Variants in GALNTL6 observed in about 807,000 individuals in gnomAD.
The protein encoded by GALNTL6 is polypeptide N-acetylgalactosaminyltransferase-like 6.
GALNTL6 carries 46 observed loss-of-function variants against 73.7 expected under a neutral mutation model. The observed-to-expected ratio is 0.62, with a 90% CI of 0.49 to 0.80. The LOEUF is 0.80. GALNTL6 is among the 30% of genes least tolerant of loss of function. The pLI is 0.00. For missense variants in GALNTL6, 604 were observed against 755.0 expected (o/e 0.80, Z 2.34); for synonymous variants, 259 against 263.7 (o/e 0.98, Z 0.17).
intron 2 of GALNTL6, among the ~76,000 whole-genome samples, chr4:171,896,595 G>A (rs990912620): frequency 1.4e-4 from 22 of 152,170 alleles, no homozygotes; most frequent in African/African-American, 3.9e-4. Flanking sequence ...CAGACAGCAC[G>A]TTCTCACTGT....
chr4:172,247,247 G>A (rs1260880203), intron 3 of GALNTL6, among the ~76,000 whole-genome samples: 2 of 152,124 alleles, frequency 1.3e-5, no homozygotes, highest in Non-Finnish European at 2.9e-5. Flanking sequence ...CCCAAATTCA[G>A]CATCTCTCTA....
At chr4:172,679,294 G>A (rs540460438) in intron 5 of GALNTL6, among the ~76,000 whole-genome samples, 6 of 151,856 alleles carry the variant, frequency 4.0e-5, no homozygotes, top group Admixed American at 1.3e-4. Flanking sequence ...GCCTGTAATC[G>A]CAGCCACTCG....
At chr4:172,745,446 T>TATATATATATATATATATATACACACAC (rs34523518) in intron 5 of GALNTL6, among the ~76,000 whole-genome samples, 1 of 145,244 alleles carries the variant, frequency 6.9e-6, no homozygotes, top group Non-Finnish European at 1.5e-5. Context: ...TATATATATG[T>TATATATATATATATATATATACACACAC]ACACATAACT....
At chr4:172,315,358 G>C (rs970325917) in intron 4 of GALNTL6, among the ~76,000 whole-genome samples, 2 of 152,030 alleles carry the variant, frequency 1.3e-5, no homozygotes, top group East Asian at 3.9e-4. Context: ...CTGCCTCCCG[G>C]GTTCAAGCAA....
intron 5 of GALNTL6, among the ~76,000 whole-genome samples, chr4:172,735,668 G>C (rs1480789848): frequency 6.6e-6 from 1 of 152,090 alleles, no homozygotes; most frequent in East Asian, 1.9e-4. Context: ...GGCTATGTCT[G>C]CTTCCAAATC....
rs397996287 is a variant in GALNTL6 at position 172,905,812 on chromosome 4, CAAAAAAAAAAAAA to C, written c.1041+22917_1041+22929del. ...GAAAGACTTTCTCCTAGAGATCACT[CAAAAAAAAAAAAA>C]AAAAAAAAAAAGGAGAACAAGAAAC... is the stretch of plus-strand genomic sequence containing the variant. On this transcript the variant is annotated intron_variant, in intron 8 of 12. Transcript: ENST00000506823. 5.6e-4 allele frequency among the ~76,000 whole-genome samples: 39 copies of C among 69,690 alleles called. 1 individual carries two copies. The highest frequency in any genetic ancestry group is 1.9e-3 in the African/African-American group (36 of 18,604). 45.7% of individuals were successfully genotyped at this position (69,690 alleles called of 152,430 possible). A position where few individuals can be genotyped will look rare whatever the true frequency, so the allele number is the denominator to read the frequency against.
At chr4:171,894,507 A>T (rs1374185850) in intron 2 of GALNTL6, among the ~76,000 whole-genome samples, 1 of 152,216 alleles carries the variant, frequency 6.6e-6, no homozygotes, top group Non-Finnish European at 1.5e-5. Context: ...AAAGTGAAAA[A>T]GTAACTGTAG....
intron 8 of GALNTL6, among the ~76,000 whole-genome samples, chr4:172,929,298 G>A (rs1394925208): frequency 3.9e-5 from 6 of 152,006 alleles, no homozygotes; most frequent in African/African-American, 1.2e-4. Flanking sequence ...AACCATTCTC[G>A]CTTGGGTGAC....
intron 5 of GALNTL6, among the ~76,000 whole-genome samples, chr4:172,743,083 T>C (rs1736894749): frequency 6.6e-6 from 1 of 152,060 alleles, no homozygotes; most frequent in African/African-American, 2.4e-5. Context: ...AAAGAAGTAG[T>C]TCTCCAAAGG....
intron 7 of GALNTL6, among the ~76,000 whole-genome samples, chr4:172,851,023 A>G (rs2111109147): frequency 6.6e-6 from 1 of 152,212 alleles, no homozygotes; most frequent in South Asian, 2.1e-4. Context: ...TCACATAGGC[A>G]TGACTCATTA....
intron 2 of GALNTL6, among the ~76,000 whole-genome samples, chr4:172,184,932 G>C (rs542058101): frequency 2.6e-5 from 4 of 152,268 alleles, no homozygotes; most frequent in African/African-American, 7.2e-5. Flanking sequence ...CACCCTTGTG[G>C]CCTAATCACC....
chr4:172,651,426 A>AT (rs1375302230), intron 5 of GALNTL6, among the ~76,000 whole-genome samples: 3 of 152,168 alleles, frequency 2.0e-5, no homozygotes, highest in African/African-American at 7.2e-5. Flanking sequence ...GAAGGCAGGG[A>AT]TTTTGCTCTG....
chr4:172,322,627 A>G (rs1391667603), intron 4 of GALNTL6, among the ~76,000 whole-genome samples: 1 of 152,118 alleles, frequency 6.6e-6, no homozygotes, highest in East Asian at 1.9e-4. Context: ...ATGGTAGAGC[A>G]GGAGAGAGAG....
intron 10 of GALNTL6, among the ~76,000 whole-genome samples, chr4:173,001,162 A>G (rs1752027918): frequency 6.6e-6 from 1 of 152,182 alleles, no homozygotes; most frequent in African/African-American, 2.4e-5. Flanking sequence ...AGAGAAGCAT[A>G]TTATGTACTC....
At chr4:172,451,553 G>A (rs1274968719) in intron 5 of GALNTL6, among the ~76,000 whole-genome samples, 3 of 152,124 alleles carry the variant, frequency 2.0e-5, no homozygotes, top group African/African-American at 4.8e-5. Context: ...GAAGAAAAGA[G>A]GTTGGGATCT....
At chr4:172,263,462 A>G (rs549547078) in intron 3 of GALNTL6, among the ~76,000 whole-genome samples, 7 of 151,316 alleles carry the variant, frequency 4.6e-5, no homozygotes, top group Non-Finnish European at 1.0e-4. Context: ...TTTCATTTCC[A>G]GAGGTTGTGA....
chr4:172,452,733 T>C (rs184906357), intron 5 of GALNTL6, among the ~76,000 whole-genome samples: 3 of 152,340 alleles, frequency 2.0e-5, no homozygotes, highest in African/African-American at 7.2e-5. Flanking sequence ...ACAAACTAAC[T>C]ACTGACTTGT....
chr4:172,322,317 A>G (rs572423740), intron 4 of GALNTL6, among the ~76,000 whole-genome samples: 3 of 152,232 alleles, frequency 2.0e-5, no homozygotes, highest in East Asian at 1.9e-4. Flanking sequence ...CTTTCACTCT[A>G]CACTCTACCT....
At chr4:171,904,553 A>G (rs1318781125) in intron 2 of GALNTL6, among the ~76,000 whole-genome samples, 2 of 152,216 alleles carry the variant, frequency 1.3e-5, no homozygotes, top group African/African-American at 4.8e-5. Flanking sequence ...GAATGGAACC[A>G]AGTTGGAAAA....
Sources: gnomAD v4.1 joint callset for allele counts (sites outside exome capture counted in the v4.1 genomes callset) on GRCh38, gnomAD v4.1.1 for gene constraint, MANE v1.5 for transcripts, NCBI Gene and HGNC (gene_info 2026-07-23, HGNC 2026-07-21) for gene names.